TNRC6B: variants seen among roughly 807,000 people sequenced by gnomAD.
TNRC6B encodes trinucleotide repeat-containing gene 6B protein.
In TNRC6B, 52 loss-of-function variants were observed where a neutral mutation model predicts 203.6. The observed-to-expected ratio is 0.26, with a 90% CI of 0.20 to 0.32. TNRC6B has a LOEUF of 0.32. Among genes scored for constraint, TNRC6B ranks in the 10% least tolerant of loss-of-function variants. The probability of loss-of-function intolerance (pLI) is 1.00; values close to 1 mark genes in which losing one functional copy is unlikely to be tolerated. For missense variants in TNRC6B, 1,923 were observed against 2,286.2 expected (o/e 0.84, Z 3.24); for synonymous variants, 838 against 845.7 (o/e 0.99, Z 0.16).
intron 1 of TNRC6B, among the ~76,000 whole-genome samples, chr22:40,114,165 C>A (rs1381643178): frequency 6.6e-6 from 1 of 151,924 alleles, no homozygotes; most frequent in Non-Finnish European, 1.5e-5. Context: ...TAAAACCCTG[C>A]CATACTCAGA....
intron 3 of TNRC6B, among the ~76,000 whole-genome samples, chr22:40,258,474 G>C (rs1212029249): frequency 6.6e-6 from 1 of 151,984 alleles, no homozygotes; most frequent in Non-Finnish European, 1.5e-5. Context: ...TAACATTCTT[G>C]GATTCACAGA....
intron 21 of TNRC6B, among the ~76,000 whole-genome samples, chr22:40,320,376 A>T (rs1045463993): frequency 3.9e-5 from 6 of 152,210 alleles, no homozygotes; most frequent in African/African-American, 1.4e-4. Context: ...CCTACTCAGG[A>T]TGCTGAGGCA....
chr22:40,054,048 C>T (rs1240975831), intron 1 of TNRC6B, among the ~76,000 whole-genome samples: 1 of 152,092 alleles, frequency 6.6e-6, no homozygotes, highest in Non-Finnish European at 1.5e-5. Context: ...AAAACCCTGT[C>T]TCTGCAAAAA....
intron 1 of TNRC6B, among the ~76,000 whole-genome samples, chr22:40,245,536 T>TA (rs1279915850): frequency 6.6e-6 from 1 of 152,004 alleles, no homozygotes; most frequent in Non-Finnish European, 1.5e-5. Context: ...ATACAGAACA[T>TA]AGAGCTTTAT....
At chr22:40,129,197 TAGAG>T (rs144872298) in intron 3 of TNRC6B, among the ~76,000 whole-genome samples, 6 of 152,030 alleles carry the variant, frequency 3.9e-5, no homozygotes, top group Non-Finnish European at 7.4e-5. Context: ...GACAGGAGGT[TAGAG>T]AGAGAGACAG....
chr22:40,277,594 C>T (rs2146518213), intron 8 of TNRC6B, among the ~76,000 whole-genome samples: 1 of 152,292 alleles, frequency 6.6e-6, no homozygotes, highest in Middle Eastern at 3.4e-3. Flanking sequence ...TCCCTGGTTG[C>T]CAAAAGACAA....
intron 4 of TNRC6B, among the ~76,000 whole-genome samples, chr22:40,164,504 C>T (rs2068900570): frequency 6.7e-6 from 1 of 148,664 alleles, no homozygotes. Context: ...GGCTCAATGC[C>T]TATAATCCAG....
At chr22:40,130,776 G>A (rs1458134035) in intron 3 of TNRC6B, among the ~76,000 whole-genome samples, 2 of 80,516 alleles carry the variant, frequency 2.5e-5, no homozygotes, top group East Asian at 2.7e-4. Context: ...GGGAGACTCC[G>A]TCTAAAAAAA....
At chr22:40,275,890 T>C (rs1191927832) in intron 7 of TNRC6B, among the ~76,000 whole-genome samples, 1 of 145,598 alleles carries the variant, frequency 6.9e-6, no homozygotes, top group African/African-American at 2.6e-5. Context: ...ACCCAGGAGG[T>C]AGAGGTTGCA....
In TNRC6B at chr22:40,251,138, A is replaced by G. The variant is rs1445016481; in HGVS notation, c.94-41A>G. On this transcript the variant is annotated intron_variant, in intron 2 of 22. Coordinates refer to ENST00000454349, the MANE Select transcript of TNRC6B (RefSeq NM_001162501.2). ...TAGTCTGAAAATACAGTACTGAATT[A>G]AAAAGCAAATCTCATTTACTTTTAT... 4 of 1,515,242 alleles carry G rather than the reference A, an allele frequency of 2.6e-6. No homozygotes were observed. In the South Asian group the frequency reaches 3.7e-5, roughly 14 times the overall value. The allele number at this position is 1,515,242 out of a possible 1,614,324, so 93.9% of individuals were successfully genotyped here. A position where few individuals can be genotyped will look rare whatever the true frequency, so the allele number is the denominator to read the frequency against.
intron 1 of TNRC6B, among the ~76,000 whole-genome samples, chr22:40,084,319 C>A (rs1842244397): frequency 6.6e-6 from 1 of 152,084 alleles, no homozygotes; most frequent in Non-Finnish European, 1.5e-5. Flanking sequence ...TTTGGTGACA[C>A]AAGATGAGCT....
intron 21 of TNRC6B, among the ~76,000 whole-genome samples, chr22:40,317,463 A>G (rs555016106): frequency 8.5e-5 from 13 of 152,312 alleles, no homozygotes; most frequent in African/African-American, 3.1e-4. Context: ...CTGTAGTCCC[A>G]GCTACTCGGG....
At chr22:40,182,708 G>A (rs1026128355) in intron 1 of TNRC6B, among the ~76,000 whole-genome samples, 6 of 152,308 alleles carry the variant, frequency 3.9e-5, no homozygotes. Flanking sequence ...TTTAGGTTAT[G>A]ACTGAGATAA....
In TNRC6B at chr22:40,137,726, A is replaced by G. The variant is rs141788560; in HGVS notation, c.45+11864A>G. Among the ~76,000 whole-genome samples the G allele has an allele frequency of 5.2e-3, 797 of 152,194 alleles. 3 individuals are homozygous for G. The highest frequency in any genetic ancestry group is 8.9e-3 in the Non-Finnish European group (603 of 67,992). On this transcript the variant is annotated intron_variant, in intron 3 of 23. Transcript: ENST00000301923. The stretch of plus-strand genomic sequence containing the variant: ...CTGCCGGGCCTGGTGGCCCACACCT[A>G]TAATCCCAGCACTTTGGGAGGCCGA...
intron 15 of TNRC6B, among the ~76,000 whole-genome samples, chr22:40,306,693 T>A (rs1207502509): frequency 6.6e-6 from 1 of 151,952 alleles, no homozygotes; most frequent in Non-Finnish European, 1.5e-5. Flanking sequence ...TTAAAAAAAA[T>A]AAATAAATAA....
intron 4 of TNRC6B, among the ~76,000 whole-genome samples, chr22:40,159,180 G>C (rs1030906249): frequency 4.6e-5 from 7 of 151,346 alleles, no homozygotes; most frequent in African/African-American, 1.5e-4. Context: ...AGCCAGGATG[G>C]TCTCGATCTC....
chr22:40,241,036 T>G (rs2070021591), intron 1 of TNRC6B, among the ~76,000 whole-genome samples: 1 of 152,210 alleles, frequency 6.6e-6, no homozygotes, highest in Non-Finnish European at 1.5e-5. Flanking sequence ...TAGAACCACT[T>G]GGAGGGACTT....
intron 1 of TNRC6B, among the ~76,000 whole-genome samples, chr22:40,199,849 T>C (rs1295303329): frequency 2.0e-5 from 3 of 152,054 alleles, no homozygotes; most frequent in Non-Finnish European, 2.9e-5. Context: ...GCTGGAGTGC[T>C]GCAGTGGCAC....
At chr22:40,074,777 TC>T in intron 1 of TNRC6B, among the ~76,000 whole-genome samples, 4 of 145,884 alleles carry the variant, frequency 2.7e-5, no homozygotes, top group African/African-American at 8.2e-5. Flanking sequence ...AGACTCCGTC[TC>T]CAAAAAAAAA....
Sources: gnomAD v4.1 joint callset for allele counts (sites outside exome capture counted in the v4.1 genomes callset) on GRCh38, gnomAD v4.1.1 for gene constraint, MANE v1.5 for transcripts, NCBI Gene and HGNC (gene_info 2026-07-23, HGNC 2026-07-21) for gene names.